The following GTF3C1 variants were observed in gnomAD, a reference collection of about 807,000 sequenced individuals.
The protein encoded by GTF3C1 is general transcription factor 3C polypeptide 1.
GTF3C1 carries 57 observed loss-of-function variants against 226.7 expected under a neutral mutation model. The ratio of observed to expected loss-of-function variants is 0.25; its 90% CI spans 0.20 to 0.31. GTF3C1 has a LOEUF of 0.31. Ranked by LOEUF, GTF3C1 falls within the 10% of genes least tolerant of loss-of-function variation. The pLI is 1.00. For missense variants in GTF3C1, 2,217 were observed against 2,776.1 expected (o/e 0.80, Z 4.53); for synonymous variants, 1,090 against 1,084.8 (o/e 1.00, Z -0.09).
At chr16:27,523,927 C>G (rs778170583) in intron 6 of GTF3C1, among the ~76,000 whole-genome samples, 1 of 152,186 alleles carries the variant, frequency 6.6e-6, no homozygotes, top group Non-Finnish European at 1.5e-5. Flanking sequence ...TGACCGTCAT[C>G]ATCTTGGTGC....
rs200522419 is a variant in GTF3C1 at position 27,486,009 on chromosome 16, G to A, written c.3846C>T (p.Val1282=). The part of the protein sequence containing the change: ...LLVLCRIASN[V]LNTKVKGPFV... ...GGCTGGTTGGTACCTTGGTGTTGAG[G>A]ACATTGCTGGCAATGCGGCACAGCA... Residue 1282 remains valine (V), a synonymous_variant, in exon 24 of 37, where the codon GTC becomes GTT. Coordinates refer to ENST00000356183, the MANE Select transcript of GTF3C1 (RefSeq NM_001520.4). 4 of 1,608,760 alleles carry A rather than the reference G, an allele frequency of 2.5e-6. No individual in the cohort carries two copies. In the East Asian group the frequency reaches 9.0e-5, roughly 36 times the overall value.
In GTF3C1 at chr16:27,465,292, C is replaced by G; in HGVS notation, c.5323G>C (p.Gly1775Arg). Residue 1775 changes from glycine (G) to arginine (R), a missense_variant, in exon 33 of 37, where the codon GGG (glycine) becomes CGG (arginine). Physicochemically the swap from Gly to Arg is moderately radical, Grantham distance 125 (BLOSUM62 -2). Around this residue, in one of 12 missense-constraint regions of GTF3C1, gnomAD observed 455 missense variants for 441.9 expected, o/e 1.03. Transcript: ENST00000356183. ...CAATCTGCGAATGTCCTGGTGCGCC[C>G]ACCACCTGCCTTCTCCAAGGCCGAG... The part of the protein sequence containing the change: ...RFSALEKAGG[G>R]RTRTFADCIQ... The G allele has an allele frequency of 6.2e-7, 1 of 1,614,166 alleles. No homozygotes were observed. The highest frequency in any genetic ancestry group is 2.2e-5 in the East Asian group (1 of 44,882).
intron 7 of GTF3C1, among the ~76,000 whole-genome samples, chr16:27,510,247 A>T (rs1244798395): frequency 6.6e-6 from 1 of 152,066 alleles, no homozygotes; most frequent in Non-Finnish European, 1.5e-5. Context: ...TTAGTGGGGC[A>T]TGGTGATGGG....
chr16:27,479,972 G>A (rs979492526), intron 27 of GTF3C1, among the ~76,000 whole-genome samples: 8 of 152,000 alleles, frequency 5.3e-5, no homozygotes, highest in Non-Finnish European at 8.8e-5. Flanking sequence ...AGGCTGAGAC[G>A]GGCAGATCAC....
chr16:27,461,259 C>T lies in GTF3C1; in HGVS notation c.*91G>A. 1.2e-6 allele frequency: 1 copy of T among 801,362 alleles called. No homozygotes were observed. Among genetic ancestry groups the T allele is most frequent in the South Asian group, 1.7e-5 (1 of 57,896 alleles). 49.6% of individuals were successfully genotyped at this position (801,362 alleles called of 1,614,324 possible). On this transcript the variant is annotated 3_prime_UTR_variant, in exon 37 of 37. Coordinates refer to ENST00000356183, the MANE Select transcript of GTF3C1 (RefSeq NM_001520.4). This position sits in a 1 kb window ranked among gnomAD's most constrained non-coding sequence, Gnocchi z 5.3. ...CCCTGCTGCAGGAGGCTCGGCAGAC[C>T]CAAGGCCAGGGCACAGTGGGGTCTG...
chr16:27,538,546 A>G (rs1000345236), intron 2 of GTF3C1, among the ~76,000 whole-genome samples, 190 bp from the exon 3 acceptor site: 1 of 152,226 alleles, frequency 6.6e-6, no homozygotes, highest in Non-Finnish European at 1.5e-5. Context: ...TAATAATAAT[A>G]AAAGTAGTGT....
chr16:27,518,537 T>C (rs191038104), intron 6 of GTF3C1, among the ~76,000 whole-genome samples: 1 of 152,346 alleles, frequency 6.6e-6, no homozygotes, highest in Non-Finnish European at 1.5e-5. Context: ...TACTACAACC[T>C]TGGAAACACA....
At position 27,508,674 on chromosome 16, in the gene GTF3C1, G is replaced by A. The variant is rs377734470; in HGVS notation, c.1127-19C>T. ...CGCTCAACTGTGAGAAACAATACAC[G>A]TGAACCCAAACCGCTGCAAAGGAGC... On this transcript the variant is annotated intron_variant, in intron 7 of 36. Coordinates refer to ENST00000356183, the MANE Select transcript of GTF3C1 (RefSeq NM_001520.4). 24 of 1,580,654 alleles carry A rather than the reference G, an allele frequency of 1.5e-5. No individual in the cohort carries two copies. Among genetic ancestry groups the A allele is most frequent in the South Asian group, 2.2e-5 (2 of 90,298 alleles).
intron 9 of GTF3C1, among the ~76,000 whole-genome samples, chr16:27,506,526 T>C (rs1297532560): frequency 6.6e-6 from 1 of 152,184 alleles, no homozygotes; most frequent in Non-Finnish European, 1.5e-5. Context: ...AAAAGTTTTC[T>C]ATAACTAAAC....
intron 6 of GTF3C1, among the ~76,000 whole-genome samples, chr16:27,520,034 G>C (rs2088721441): frequency 6.6e-6 from 1 of 152,206 alleles, no homozygotes; most frequent in South Asian, 2.1e-4. Flanking sequence ...GGATTGCTCA[G>C]CCTGCGAGGC....
chr16:27,522,945 G>C (rs1255997615), intron 6 of GTF3C1, among the ~76,000 whole-genome samples: 1 of 152,058 alleles, frequency 6.6e-6, no homozygotes, highest in African/African-American at 2.4e-5. Context: ...AAATCTTACT[G>C]AACTTTTTTT....
chr16:27,509,159 G>A (rs564863000), intron 7 of GTF3C1, among the ~76,000 whole-genome samples: 8 of 152,328 alleles, frequency 5.3e-5, no homozygotes, highest in Admixed American at 1.3e-4. Flanking sequence ...CATAAGAGTC[G>A]TGCAAGCGAG....
At chr16:27,519,116 G>A (rs1183314979) in intron 6 of GTF3C1, among the ~76,000 whole-genome samples, 1 of 152,104 alleles carries the variant, frequency 6.6e-6, no homozygotes, top group Non-Finnish European at 1.5e-5. Flanking sequence ...AGAGGAGGTG[G>A]CATTTGGGTG....
At chr16:27,510,842 T>C (rs1055431268) in intron 7 of GTF3C1, among the ~76,000 whole-genome samples, 1 of 152,220 alleles carries the variant, frequency 6.6e-6, no homozygotes, top group African/African-American at 2.4e-5. Flanking sequence ...TGCCCATTCA[T>C]CATAAATTCC....
Position 27,481,139 on chromosome 16 carries a change from C to A in GTF3C1, c.4136G>T (p.Ser1379Ile). 6.2e-7 allele frequency: 1 copy of A among 1,614,228 alleles called. No homozygotes were observed. Among genetic ancestry groups the A allele is most frequent in the Non-Finnish European group, 8.5e-7 (1 of 1,180,038 alleles). ...EFVEKLKEKF[S>I]SALRNSNLEI... Reference sequence around the variant, plus strand: ...AAGGTTAGAATTCCTTAGGGCTGAACTGAACTTTTCTTTAAGCTTCTCCAC... The same window carrying A: ...AAGGTTAGAATTCCTTAGGGCTGAAATGAACTTTTCTTTAAGCTTCTCCAC... The change falls in exon 27 of 37, where the codon AGT becomes ATT. Residue 1379 changes from serine (S) to isoleucine (I), a missense_variant. Around this residue, in one of 12 missense-constraint regions of GTF3C1, gnomAD observed 546 missense variants for 663.0 expected, o/e 0.82. Transcript: ENST00000356183.
At chr16:27,520,746 G>A (rs544488137) in intron 6 of GTF3C1, among the ~76,000 whole-genome samples, 1 of 152,286 alleles carries the variant, frequency 6.6e-6, no homozygotes, top group East Asian at 1.9e-4. Context: ...TTGAGATGGA[G>A]TTTTGCTCTG....
intron 26 of GTF3C1, among the ~76,000 whole-genome samples, 174 bp downstream of exon 26, chr16:27,482,870 A>T (rs1405133511): frequency 6.6e-6 from 1 of 152,246 alleles, no homozygotes; most frequent in Non-Finnish European, 1.5e-5. Context: ...GTTTGAAGCC[A>T]GATCAAGTGA....
rs769719243 is a variant in GTF3C1 at position 27,470,387 on chromosome 16, G to A, written c.4535C>T (p.Thr1512Met). 50 of 1,612,428 alleles carry A rather than the reference G, an allele frequency of 3.1e-5. No homozygotes were observed. The highest frequency in any genetic ancestry group is 1.1e-4 in the East Asian group (5 of 44,884). ...QLSQTYYRIF[T>M]WRFPSTICTE... ...GCAGATGGTGCTTGGAAATCGCCAC[G>A]TAAAAATCCTACAGACAAAAAGAAA... Residue 1512 changes from threonine (T) to methionine (M), a missense_variant, in exon 31 of 37, where the codon ACG becomes ATG. Physicochemically the swap from Thr to Met is moderately conservative, Grantham distance 81. Coordinates refer to ENST00000356183, the MANE Select transcript of GTF3C1 (RefSeq NM_001520.4). The surrounding 1 kb of genome is among the most constrained non-coding windows in gnomAD (Gnocchi z 4.9).
chr16:27,513,314 T>C (rs1189213671), intron 6 of GTF3C1, among the ~76,000 whole-genome samples: 1 of 152,042 alleles, frequency 6.6e-6, no homozygotes, highest in Non-Finnish European at 1.5e-5. Context: ...ATCGGCCAGG[T>C]GTGGTAACAT....
Sources: gnomAD v4.1 joint callset for allele counts (sites outside exome capture counted in the v4.1 genomes callset) on GRCh38, gnomAD v4.1.1 for gene constraint, gnomAD v4.1.1 regional missense constraint, Gnocchi (gnomAD v3.1) non-coding constraint, MANE v1.5 for transcripts, NCBI Gene and HGNC (gene_info 2026-07-23, HGNC 2026-07-21) for gene names.